ANKRD20A1: variants seen among roughly 807,000 people sequenced by gnomAD.
ANKRD20A1 encodes the protein ankyrin repeat domain-containing protein 20A1.
In ANKRD20A1, 2 loss-of-function variants were observed where a neutral mutation model predicts 50.9. The observed-to-expected ratio is 0.04, with a 90% CI of 0.02 to 0.12. The LOEUF (loss-of-function observed/expected upper bound fraction) is 0.12. Ranked by LOEUF, ANKRD20A1 falls within the 10% of genes least tolerant of loss-of-function variation. The pLI, the probability that ANKRD20A1 is intolerant of heterozygous loss-of-function variation, is 1.00. For synonymous variants in ANKRD20A1, 10 were observed against 186.2 expected, an observed-to-expected ratio of 0.05 and a Z score of 7.70; for missense variants, 31 against 548.1, an observed-to-expected ratio of 0.06 and a Z score of 9.42.
chr9:67,884,775 A>G (rs1827850337), intron 9 of ANKRD20A1, among the ~76,000 whole-genome samples: 1 of 151,006 alleles, frequency 6.6e-6, no homozygotes, highest in Non-Finnish European at 1.5e-5. Flanking sequence ...CTGTAGTCCC[A>G]GCTACTCAGG....
chr9:67,882,543 G>C (rs1827817955), intron 8 of ANKRD20A1, among the ~76,000 whole-genome samples: 1 of 149,998 alleles, frequency 6.7e-6, no homozygotes, highest in Non-Finnish European at 1.5e-5. Context: ...CATTCAACTG[G>C]AATCTTAACA....
chr9:67,884,742 T>C (rs1230089467), intron 9 of ANKRD20A1, among the ~76,000 whole-genome samples, 172 bp downstream of exon 9: 3 of 150,290 alleles, frequency 2.0e-5, no homozygotes, highest in East Asian at 4.1e-4. Context: ...TACAAAAAAC[T>C]AGCCAGGTGT....
At chr9:67,881,105 CA>C (rs1827786351) in intron 8 of ANKRD20A1, among the ~76,000 whole-genome samples, 2 of 150,712 alleles carry the variant, frequency 1.3e-5, no homozygotes, top group Admixed American at 6.7e-5. Context: ...TGTAGTGAGA[CA>C]AAAAAATTAA....
At chr9:67,885,002 A>G (rs1389380118) in intron 9 of ANKRD20A1, among the ~76,000 whole-genome samples, 1 of 39,408 alleles carries the variant, frequency 2.5e-5, no homozygotes, top group African/African-American at 4.8e-5. Context: ...ATAAGTAAAG[A>G]AGTGAAATGG....
In ANKRD20A1 at chr9:67,860,081, A is replaced by G. The variant is rs867176046; in HGVS notation, c.203+452A>G. On this transcript the variant is annotated intron_variant, in intron 1 of 14. Coordinates refer to ENST00000562196, the MANE Select transcript of ANKRD20A1 (RefSeq NM_032250.5). ...ATTCTTTTTTTTTTTTTTTTGAGTCAGAGTCTCGCTTCTTTGCCCAGGCTG... is the reference window on the plus strand; with the variant it reads ...ATTCTTTTTTTTTTTTTTTTGAGTCGGAGTCTCGCTTCTTTGCCCAGGCTG... Among the ~76,000 whole-genome samples the G allele has an allele frequency of 6.7e-4, 22 of 32,812 alleles. 6 individuals are homozygous for G. In the East Asian group the frequency reaches 8.7e-3, roughly 13 times the overall value. The allele number at this position is 32,812 out of a possible 152,430, so 21.5% of individuals were successfully genotyped here.
chr9:67,866,026 A>G (rs1337956366), intron 3 of ANKRD20A1, among the ~76,000 whole-genome samples: 18 of 150,908 alleles, frequency 1.2e-4, no homozygotes, highest in African/African-American at 4.1e-4. Context: ...ATTCCTGGTT[A>G]TAGTTGGATA....
chr9:67,885,596 C>T (rs1358861792), intron 9 of ANKRD20A1, among the ~76,000 whole-genome samples: 1,539 of 146,842 alleles, frequency 0.01, no homozygotes, highest in African/African-American at 0.038. Flanking sequence ...ATTAAAAGTT[C>T]ATTAGAAACA....
rs1827487961 is a variant in ANKRD20A1 at position 67,859,936 on chromosome 9, T to C, written c.203+307T>C. On this transcript the variant is annotated intron_variant, in intron 1 of 14. Transcript: ENST00000562196. ...CCCTATCAAAAATAACCGTGAGTTG[T>C]TTCAGTGGGCGAAAAGTTCTCAGAT... Among the ~76,000 whole-genome samples the C allele has an allele frequency of 8.1e-5, 4 of 49,122 alleles. 2 individuals are homozygous for C. Among genetic ancestry groups the C allele is most frequent in the African/African-American group, 4.6e-4 (4 of 8,648 alleles). The allele number at this position is 49,122 out of a possible 152,430, so 32.2% of individuals were successfully genotyped here. A position where few individuals can be genotyped will look rare whatever the true frequency, so the allele number is the denominator to read the frequency against.
intron 9 of ANKRD20A1, among the ~76,000 whole-genome samples, 193 bp downstream of exon 9, chr9:67,884,763 G>T (rs1246314341): frequency 6.6e-6 from 1 of 150,866 alleles, no homozygotes; most frequent in Non-Finnish European, 1.5e-5. Flanking sequence ...TGTTGTGGGC[G>T]CCTGTAGTCC....
intron 11 of ANKRD20A1, among the ~76,000 whole-genome samples, chr9:67,890,891 A>C (rs1270583471): frequency 1.5e-5 from 2 of 131,144 alleles, no homozygotes; most frequent in Admixed American, 8.5e-5. Context: ...AATCTTCTAG[A>C]GTAGTGATGA....
intron 1 of ANKRD20A1, among the ~76,000 whole-genome samples, chr9:67,860,005 A>T (rs1412996537): frequency 0.16 from 4,467 of 28,260 alleles, 1,961 homozygotes; most frequent in Non-Finnish European, 0.27. Context: ...ATATATATAT[A>T]TTTTTTTTTC....
intron 8 of ANKRD20A1, among the ~76,000 whole-genome samples, chr9:67,881,070 G>T (rs1827785798): frequency 6.7e-6 from 1 of 149,372 alleles, no homozygotes; most frequent in African/African-American, 2.4e-5. Context: ...ACGAGAGATT[G>T]TTTTTCTACT....
In ANKRD20A1 at chr9:67,884,478, T is replaced by G. The variant is rs375845538; in HGVS notation, c.895-8T>G. On this transcript the variant is annotated splice_region_variant and splice_polypyrimidine_tract_variant and intron_variant, in intron 8 of 14. Transcript: ENST00000562196. ...TAAAATGGAAACTAATTCTTGATAT[T>G]ACCTTAGCAGTGTGTCCCCGAGAAA... The G allele has an allele frequency of 1.7e-3, 2,624 of 1,578,694 alleles. 16 individuals are homozygous for G. Among genetic ancestry groups the G allele is most frequent in the Non-Finnish European group, 2.1e-3 (2,493 of 1,169,878 alleles).
In ANKRD20A1 at chr9:67,886,644, G is replaced by T. The variant is rs1310983856; in HGVS notation, c.980-632G>T. Among the ~76,000 whole-genome samples, 2 of 81,704 alleles carry T rather than the reference G, an allele frequency of 2.4e-5. 1 individual carries two copies. The highest frequency in any genetic ancestry group is 7.4e-5 in the African/African-American group (2 of 27,176). 53.6% of individuals were successfully genotyped at this position (81,704 alleles called of 152,430 possible). A position where few individuals can be genotyped will look rare whatever the true frequency, so the allele number is the denominator to read the frequency against. ...AGCTCTAACTCAAGGCCAAATGAGG[G>T]GATAGGAGAAATGTAGGTGCTGCAG... On this transcript the variant is annotated intron_variant, in intron 9 of 14. Transcript: ENST00000562196.
rs1484519277 is a variant in ANKRD20A1 at position 67,859,993 on chromosome 9, T to TTA, written c.203+376_203+377dup. 1.5e-3 allele frequency among the ~76,000 whole-genome samples: 23 copies of TTA among 15,534 alleles called. 10 individuals carry two copies. The South Asian group carries it at 0.022, about 15-fold the overall frequency. 10.2% of individuals were successfully genotyped at this position (15,534 alleles called of 152,430 possible). A position where few individuals can be genotyped will look rare whatever the true frequency, so the allele number is the denominator to read the frequency against. On this transcript the variant is annotated intron_variant, in intron 1 of 14. Transcript: ENST00000562196. ...GCTTACTTGAAAAATATTTACTATA[T>TTA]TATATATATATATTTTTTTTTCAGA... is the stretch of plus-strand genomic sequence containing the variant.
At chr9:67,885,112 C>T (rs1365656732) in intron 9 of ANKRD20A1, among the ~76,000 whole-genome samples, 1 of 151,786 alleles carries the variant, frequency 6.6e-6, no homozygotes, top group Non-Finnish European at 1.5e-5. Flanking sequence ...ACTCTAAGAC[C>T]TGAGGCAAGT....
At chr9:67,881,324 A>G (rs1827790958) in intron 8 of ANKRD20A1, among the ~76,000 whole-genome samples, 1 of 146,026 alleles carries the variant, frequency 6.8e-6, no homozygotes, top group Non-Finnish European at 1.5e-5. Context: ...TGTGTGGTTT[A>G]TGAGTTGTCC....
In ANKRD20A1 at chr9:67,884,707, G is replaced by C. The variant is rs1381269998; in HGVS notation, c.979+137G>C. ...AGATCCAGACCATCCTGGATAACAT[G>C]GTGAAACCCCATCTCTACTAAAAAT... On this transcript the variant is annotated intron_variant, in intron 9 of 14. Coordinates refer to ENST00000562196, the MANE Select transcript of ANKRD20A1 (RefSeq NM_032250.5). 3.8e-5 allele frequency: 23 copies of C among 600,756 alleles called. 3 individuals are homozygous for C. The South Asian group carries it at 4.3e-4, about 11-fold the overall frequency. 37.2% of individuals were successfully genotyped at this position (600,756 alleles called of 1,614,324 possible).
chr9:67,884,897 A>G (rs1250449077), intron 9 of ANKRD20A1, among the ~76,000 whole-genome samples: 1 of 149,464 alleles, frequency 6.7e-6, no homozygotes, highest in Non-Finnish European at 1.5e-5. Flanking sequence ...CTCAGAAAAA[A>G]CAAAACAAAA....
Sources: allele counts gnomAD v4.1 joint callset (sites outside exome capture counted in the v4.1 genomes callset), GRCh38; gene constraint gnomAD v4.1.1; transcripts MANE v1.5; gene names NCBI Gene and HGNC (gene_info 2026-07-23, HGNC 2026-07-21).